CACNA1E: variants seen among roughly 807,000 people sequenced by gnomAD.
CACNA1E encodes the protein calcium voltage-gated channel subunit alpha1 E.
CACNA1E carries 40 observed loss-of-function variants against 259.2 expected under a neutral mutation model. The observed-to-expected ratio is 0.15, with a 90% CI of 0.12 to 0.20. The LOEUF is 0.20. Among genes scored for constraint, CACNA1E ranks in the 10% least tolerant of loss-of-function variants. The probability of loss-of-function intolerance (pLI) is 1.00; values close to 1 mark genes in which losing one functional copy is unlikely to be tolerated. For missense variants in CACNA1E, 1,874 were observed against 3,040.1 expected (o/e 0.62, Z 9.02); for synonymous variants, 1,104 against 1,138.5 (o/e 0.97, Z 0.61).
intron 1 of CACNA1E, among the ~76,000 whole-genome samples, chr1:181,338,995 GCTCT>G (rs1651937471): frequency 6.6e-6 from 1 of 151,006 alleles, no homozygotes; most frequent in East Asian, 1.9e-4. Flanking sequence ...TTATTTCTAG[GCTCT>G]CTATTCTGTT....
rs563894247 is a variant in CACNA1E, at chr1:181,609,930, G to T, written c.951+29154G>T. Among the ~76,000 whole-genome samples, 13 of 152,280 alleles carry T rather than the reference G, an allele frequency of 8.5e-5. No individual in the cohort carries two copies. In the South Asian group the frequency reaches 2.7e-3, roughly 32 times the overall value. On this transcript the variant is annotated intron_variant, in intron 6 of 47. Transcript: ENST00000367573. ...CCTAGGCATTAACTCCCAGCATATT[G>T]GCTGGAGTTAGAGAAGTATTGCCAG...
chr1:181,358,664 T>G (rs149875974), intron 1 of CACNA1E, among the ~76,000 whole-genome samples: 26 of 152,274 alleles, frequency 1.7e-4, no homozygotes, highest in African/African-American at 6.0e-4. Context: ...GGAGTGTTAG[T>G]GAGTGTGGAA....
chr1:181,477,662 C>A (rs552396292), intron 2 of CACNA1E, among the ~76,000 whole-genome samples: 1 of 152,112 alleles, frequency 6.6e-6, no homozygotes, highest in African/African-American at 2.4e-5. Flanking sequence ...GTCCATCCCC[C>A]GCACAACAGA....
intron 3 of CACNA1E, among the ~76,000 whole-genome samples, chr1:181,563,586 G>T (rs750348779): frequency 6.6e-6 from 1 of 152,152 alleles, no homozygotes; most frequent in African/African-American, 2.4e-5. Context: ...ATGAGAAGAG[G>T]ACTCTGGCTT....
rs764430317 is a variant in CACNA1E at position 181,383,433 on chromosome 1, C to G, written c.-14-29700C>G. On this transcript the variant is annotated intron_variant, in intron 1 of 11. Coordinates refer to the CACNA1E transcript ENST00000524607. ...TACACAGGTATGATGATGAGGCAAG[C>G]GGGGGCAGAAAGGAAGCAGAAGTAG... Among the ~76,000 whole-genome samples, 9 of 152,240 alleles carry G rather than the reference C, an allele frequency of 5.9e-5. No individual in the cohort carries two copies. In the South Asian group the frequency reaches 6.2e-4, roughly 11 times the overall value.
chr1:181,528,862 G>C lies in CACNA1E; in HGVS notation c.512+17352G>C, dbSNP rs145142682. Among the ~76,000 whole-genome samples the C allele has an allele frequency of 5.3e-5, 8 of 152,326 alleles. No homozygotes were observed. In the East Asian group the frequency reaches 1.4e-3, roughly 26 times the overall value. On this transcript the variant is annotated intron_variant, in intron 3 of 47. Coordinates refer to ENST00000367573, the MANE Select transcript of CACNA1E (RefSeq NM_001205293.3). ...AGCATTCTATTTTAAAAGGGAAACA[G>C]AGCATAAAAGTTCAGAAAATTGGCA... is the stretch of plus-strand genomic sequence containing the variant.
intron 1 of CACNA1E, among the ~76,000 whole-genome samples, chr1:181,389,674 C>T (rs1266834458): frequency 6.6e-6 from 1 of 152,204 alleles, no homozygotes; most frequent in Non-Finnish European, 1.5e-5. Flanking sequence ...CTTTTGGTCC[C>T]GTGTCCTCAG....
rs1179646320 is a variant in CACNA1E at position 181,758,067 on chromosome 1, A to G, written c.4450A>G (p.Ile1484Val). 6.2e-7 allele frequency: 1 copy of G among 1,613,946 alleles called. No individual in the cohort carries two copies. The highest frequency in any genetic ancestry group is 8.5e-7 in the Non-Finnish European group (1 of 1,179,874). ...GGTGTCTCCGTCCTTTGAGTACACCATTATGGCCATGATCGCCTTGAATAC... is the reference window on the plus strand; with the variant it reads ...GGTGTCTCCGTCCTTTGAGTACACCGTTATGGCCATGATCGCCTTGAATAC... Reference protein sequence around the residue: ...FVVSPSFEYTIMAMIALNTVV... With the variant: ...FVVSPSFEYTVMAMIALNTVV... Residue 1484 changes from isoleucine to valine, a missense_variant, in exon 31 of 48, where the codon ATT becomes GTT. By Grantham distance (29) the Ile-to-Val change is conservative (BLOSUM62 3). Transcript: ENST00000367573. The surrounding 1 kb of genome is among the most constrained non-coding windows in gnomAD (Gnocchi z 4.2).
At chr1:181,720,448 C>A in intron 14 of CACNA1E, 111 bp downstream of exon 14, 1 of 1,232,594 alleles carries the variant, frequency 8.1e-7, no homozygotes, top group Non-Finnish European at 1.1e-6. Flanking sequence ...CTGCCTTTGC[C>A]CATGGCCTGA....
intron 25 of CACNA1E, among the ~76,000 whole-genome samples, chr1:181,743,696 T>C (rs932004953): frequency 6.6e-6 from 1 of 152,216 alleles, no homozygotes; most frequent in Non-Finnish European, 1.5e-5. Context: ...TCTTTCTGTG[T>C]GTGACACCTG....
Position 181,802,071 on chromosome 1 carries a change from G to T in CACNA1E, c.*3237G>T, listed in dbSNP as rs1197462119. On this transcript the variant is annotated 3_prime_UTR_variant, in exon 48 of 48. Transcript: ENST00000367573. ...CCATCTCCTAGAGGACAGAGTGCCA[G>T]CGACCTCTGGACAGGGGCAGGGCTC... 2 of 152,246 alleles carry T rather than the reference G, an allele frequency of 1.3e-5. No individual in the cohort carries two copies. The highest frequency in any genetic ancestry group is 4.8e-5 in the African/African-American group (2 of 41,456). The allele number at this position is 152,246 out of a possible 1,614,324, so 9.4% of individuals were successfully genotyped here.
chr1:181,770,776 A>AAGAT (rs1659433274), intron 35 of CACNA1E, among the ~76,000 whole-genome samples: 1 of 152,160 alleles, frequency 6.6e-6, no homozygotes, highest in Non-Finnish European at 1.5e-5. Flanking sequence ...ATATCTAAGG[A>AAGAT]AGATAGAGAT....
At chr1:181,517,253 A>G (rs149105471) in intron 3 of CACNA1E, among the ~76,000 whole-genome samples, 64 of 152,204 alleles carry the variant, frequency 4.2e-4, no homozygotes, top group Non-Finnish European at 7.4e-4. Flanking sequence ...AAAGAATGCT[A>G]TGTACAAATG....
chr1:181,428,596 G>T (rs1659479055), intron 2 of CACNA1E, among the ~76,000 whole-genome samples: 2 of 152,110 alleles, frequency 1.3e-5, no homozygotes, highest in South Asian at 4.1e-4. Flanking sequence ...CCAGGTGGTG[G>T]TGATGGTTGG....
intron 1 of CACNA1E, among the ~76,000 whole-genome samples, chr1:181,349,124 G>A (rs1347896491): frequency 6.6e-6 from 1 of 151,692 alleles, no homozygotes; most frequent in African/African-American, 2.4e-5. Flanking sequence ...GCGGGCTTGG[G>A]TGGGCTGCTG....
rs376829001 is a variant in CACNA1E, at chr1:181,380,451, G to A, written c.-14-32682G>A. Reference sequence around the variant, plus strand: ...AATTACATAGAAAACAGAAAAGTCCGATAGCAAAACCAGACAAAAGATATA... The same window carrying A: ...AATTACATAGAAAACAGAAAAGTCCAATAGCAAAACCAGACAAAAGATATA... On this transcript the variant is annotated intron_variant, in intron 1 of 11. Coordinates refer to the CACNA1E transcript ENST00000524607. 1.1e-4 allele frequency among the ~76,000 whole-genome samples: 17 copies of A among 152,226 alleles called. No homozygotes were observed. In the East Asian group the frequency reaches 1.2e-3, roughly 10 times the overall value.
chr1:181,506,152 A>G (rs1287760014), intron 1 of CACNA1E, among the ~76,000 whole-genome samples: 1 of 152,238 alleles, frequency 6.6e-6, no homozygotes, highest in African/African-American at 2.4e-5. Context: ...TGTGGTTGCC[A>G]TGAAGGGTGA....
chr1:181,663,150 T>C (rs1166428370), intron 7 of CACNA1E, among the ~76,000 whole-genome samples: 1 of 152,208 alleles, frequency 6.6e-6, no homozygotes, highest in Non-Finnish European at 1.5e-5. Context: ...ATGGAATTGT[T>C]ATATAATTTA....
intron 1 of CACNA1E, among the ~76,000 whole-genome samples, chr1:181,403,396 G>C (rs546882033): frequency 1.3e-5 from 2 of 151,564 alleles, no homozygotes; most frequent in African/African-American, 4.9e-5. Flanking sequence ...TTGCAGAAAG[G>C]CCTTTTACAT....
Sources: allele counts gnomAD v4.1 joint callset (sites outside exome capture counted in the v4.1 genomes callset), GRCh38; gene constraint gnomAD v4.1.1; non-coding constraint Gnocchi (gnomAD v3.1); transcripts MANE v1.5; gene names NCBI Gene and HGNC (gene_info 2026-07-23, HGNC 2026-07-21).